Variants in LRRC37A3 observed in about 807,000 individuals in gnomAD.
The protein encoded by LRRC37A3 is leucine-rich repeat-containing protein 37A3.
A neutral mutation model predicts 106.2 loss-of-function variants in LRRC37A3; 25 were observed. That is an observed-to-expected ratio of 0.24 (90% CI 0.17 to 0.33). The LOEUF is 0.33. Ranked by LOEUF, LRRC37A3 falls within the 10% of genes least tolerant of loss-of-function variation. LRRC37A3 has a pLI of 1.00. For synonymous variants in LRRC37A3, 305 were observed against 635.8 expected (o/e 0.48, Z 7.83); for missense variants, 712 against 1,644.9 (o/e 0.43, Z 9.81).
intron 2 of LRRC37A3, chr17:64,899,724 G>C (rs1289851770): frequency 1.4e-5 from 2 of 147,416 alleles, no homozygotes; most frequent in African/African-American, 2.7e-5. Flanking sequence ...TGTTTGAAGG[G>C]AGTTCTAACA....
At chr17:64,909,344 C>T (rs917513287) in intron 2 of LRRC37A3, among the ~76,000 whole-genome samples, 1 of 152,164 alleles carries the variant, frequency 6.6e-6, no homozygotes, top group African/African-American at 2.4e-5. Flanking sequence ...AATTCAGAAC[C>T]TCAGGCCTAA....
At chr17:64,911,051 T>C (rs1974578272) in intron 2 of LRRC37A3, among the ~76,000 whole-genome samples, 1 of 152,214 alleles carries the variant, frequency 6.6e-6, no homozygotes, top group South Asian at 2.1e-4. Flanking sequence ...TACCTCTACA[T>C]GTATATAGAT....
intron 2 of LRRC37A3, among the ~76,000 whole-genome samples, chr17:64,903,771 T>C (rs1359597640): frequency 1.3e-5 from 2 of 152,120 alleles, no homozygotes; most frequent in East Asian, 3.8e-4. Flanking sequence ...AATCTCAACG[T>C]CAGTTATCAA....
intron 14 of LRRC37A3, among the ~76,000 whole-genome samples, chr17:64,855,633 T>C (rs1295333502): frequency 6.6e-6 from 1 of 151,384 alleles, no homozygotes; most frequent in Non-Finnish European, 1.5e-5. Context: ...CCTCTAATTC[T>C]AAAATTCTAA....
At chr17:64,873,058 C>T (rs1045243328) in intron 8 of LRRC37A3, among the ~76,000 whole-genome samples, 1 of 152,008 alleles carries the variant, frequency 6.6e-6, no homozygotes, top group African/African-American at 2.4e-5. Context: ...AGTGGGAACA[C>T]ATGACATATA....
rs1972925413 is a variant in LRRC37A3, at chr17:64,862,940, C to T, written c.3132G>A (p.Leu1044=). 6.3e-7 allele frequency: 1 copy of T among 1,599,126 alleles called. No individual in the cohort carries two copies. Among genetic ancestry groups the T allele is most frequent in the Non-Finnish European group, 8.5e-7 (1 of 1,179,794 alleles). The change falls in exon 11 of 15, where the codon CTG becomes CTA. Residue 1044 remains leucine (L), a synonymous_variant. Coordinates refer to ENST00000584306, the MANE Select transcript of LRRC37A3 (RefSeq NM_199340.5). ...SIEAVCKTVK[L]HCNSACLTNT... is the part of the protein sequence containing the mutation. ...TTGTCAGACATGCACTGTTGCAATG[C>T]AGCTTGACTGTCTTGCAGACAGCCT...
chr17:64,866,626 A>ATT (rs1174212397), intron 10 of LRRC37A3, among the ~76,000 whole-genome samples: 21 of 22,512 alleles, frequency 9.3e-4, no homozygotes, highest in Non-Finnish European at 1.4e-3. Flanking sequence ...ATATATATAT[A>ATT]TATTTTTTTT....
intron 8 of LRRC37A3, among the ~76,000 whole-genome samples, chr17:64,875,555 G>C (rs1207358897): frequency 6.6e-6 from 1 of 152,170 alleles, no homozygotes; most frequent in African/African-American, 2.4e-5. Context: ...TTGGGAGGCT[G>C]AGGCTGGAGG....
At chr17:64,864,269 G>C (rs988286477) in intron 10 of LRRC37A3, among the ~76,000 whole-genome samples, 1 of 152,040 alleles carries the variant, frequency 6.6e-6, no homozygotes, top group Non-Finnish European at 1.5e-5. Flanking sequence ...CTTGAATTTC[G>C]TCATGAGGAA....
intron 2 of LRRC37A3, chr17:64,899,626 G>T (rs1267265458): frequency 1.4e-5 from 2 of 145,904 alleles, no homozygotes; most frequent in Non-Finnish European, 2.9e-5. Flanking sequence ...CAAGCAATAA[G>T]CCATATTTGA....
intron 2 of LRRC37A3, 119 bp from the exon 3 acceptor site, chr17:64,898,578 GTGC>G (rs1236255452): frequency 1.0e-6 from 1 of 980,160 alleles, no homozygotes; most frequent in African/African-American, 1.9e-5. Context: ...TCTGAAATGA[GTGC>G]TGACTTCCTC....
chr17:64,878,926 C>A (rs1338855027), intron 8 of LRRC37A3, among the ~76,000 whole-genome samples: 4 of 152,228 alleles, frequency 2.6e-5, no homozygotes, highest in African/African-American at 9.6e-5. Flanking sequence ...GAAACAACCA[C>A]ATGTCCACTA....
chr17:64,859,559 A>G lies in LRRC37A3; in HGVS notation c.4587T>C (p.Ser1529=). 1 of 1,611,054 alleles carries G rather than the reference A, an allele frequency of 6.2e-7. No individual in the cohort carries two copies. The highest frequency in any genetic ancestry group is 1.1e-5 in the South Asian group (1 of 90,852). The change falls in exon 12 of 15, where the codon AGT becomes AGC. Residue 1529 remains serine, a synonymous_variant. Transcript: ENST00000584306. The part of the protein sequence containing the change: ...SRTGHLMKLL[S]GQQEVKASKI... ...TGGATGCCTTTACTTCCTGCTGCCC[A>G]CTGAGAAGCTTCATCAGGTGGCCTG... is the stretch of plus-strand genomic sequence containing the variant.
chr17:64,880,021 C>T (rs1450844431), intron 8 of LRRC37A3, among the ~76,000 whole-genome samples: 6 of 152,052 alleles, frequency 3.9e-5, no homozygotes, highest in Non-Finnish European at 5.9e-5. Context: ...TTCTTGATAG[C>T]TCATCCATAG....
chr17:64,868,166 G>A (rs1973181014), intron 10 of LRRC37A3, among the ~76,000 whole-genome samples: 1 of 152,174 alleles, frequency 6.6e-6, no homozygotes, highest in Admixed American at 6.5e-5. Context: ...TCTGGAAAAG[G>A]CAAAAGTATA....
chr17:64,918,388 T>G (rs1221427056), intron 2 of LRRC37A3, among the ~76,000 whole-genome samples: 2 of 151,420 alleles, frequency 1.3e-5, no homozygotes, highest in Non-Finnish European at 2.9e-5. Flanking sequence ...TTTTTTCTTT[T>G]TTCTTTATTA....
intron 10 of LRRC37A3, among the ~76,000 whole-genome samples, chr17:64,863,804 G>T (rs529559354): frequency 6.6e-6 from 1 of 151,908 alleles, no homozygotes; most frequent in Admixed American, 6.6e-5. Context: ...AATTACCAAG[G>T]GGAAAATTAT....
rs754142750 is a variant in LRRC37A3, at chr17:64,869,179, A to G, written c.2907-13T>C. 9.9e-6 allele frequency: 16 copies of G among 1,609,268 alleles called. No homozygotes were observed. Among genetic ancestry groups the G allele is most frequent in the Non-Finnish European group, 1.4e-5 (16 of 1,178,758 alleles). ...GTGATTGAGAATTCTGAAAAATGGA[A>G]TGGAATTAAAATAACCTGCATTTTC... On this transcript the variant is annotated splice_polypyrimidine_tract_variant and intron_variant, in intron 8 of 14. Transcript: ENST00000584306.
At chr17:64,899,419 CAAAAAAAAA>C (rs71215666) in intron 2 of LRRC37A3, among the ~76,000 whole-genome samples, 1 of 100,278 alleles carries the variant, frequency 1.0e-5, no homozygotes, top group Non-Finnish European at 1.8e-5. Context: ...GACTCCATCT[CAAAAAAAAA>C]AAAAAAAAAA....
Sources: allele counts gnomAD v4.1 joint callset (sites outside exome capture counted in the v4.1 genomes callset), GRCh38; gene constraint gnomAD v4.1.1; transcripts MANE v1.5; gene names NCBI Gene and HGNC (gene_info 2026-07-23, HGNC 2026-07-21).